PURG: variants seen among roughly 807,000 people sequenced by gnomAD.
The protein encoded by PURG is purine rich element binding protein G.
PURG carries 3 observed loss-of-function variants against 24.3 expected under a neutral mutation model. The ratio of observed to expected loss-of-function variants is 0.12; its 90% CI spans 0.06 to 0.32. The LOEUF is 0.32. Among genes scored for constraint, PURG ranks in the 10% least tolerant of loss-of-function variants. PURG has a pLI of 1.00. For missense variants in PURG, 371 were observed against 439.1 expected (o/e 0.84, Z 1.39); for synonymous variants, 180 against 173.1 (o/e 1.04, Z -0.31).
chr8:31,015,159 C>T (rs1482898641), intron 1 of PURG, among the ~76,000 whole-genome samples: 4 of 151,968 alleles, frequency 2.6e-5, no homozygotes, highest in East Asian at 3.9e-4. Flanking sequence ...GCCAGGCTTG[C>T]GGGGGAAAGG....
At chr8:31,020,090 G>C (rs909937857) in intron 1 of PURG, among the ~76,000 whole-genome samples, 5 of 152,040 alleles carry the variant, frequency 3.3e-5, no homozygotes, top group African/African-American at 1.2e-4. Flanking sequence ...AGAATCGCTT[G>C]AACCTGGGAG....
chr8:31,002,025 T>A (rs922929192), intron 1 of PURG, among the ~76,000 whole-genome samples: 77 of 152,344 alleles, frequency 5.1e-4, no homozygotes, highest in African/African-American at 1.8e-3. Context: ...TAGACTATTC[T>A]TTTCTTAAGC....
chr8:31,001,289 C>G (rs2129771904), intron 1 of PURG, among the ~76,000 whole-genome samples: 1 of 152,298 alleles, frequency 6.6e-6, no homozygotes, highest in Non-Finnish European at 1.5e-5. Flanking sequence ...CTGAACATAC[C>G]TATGAGAATC....
chr8:31,009,914 T>C (rs1298408914), intron 1 of PURG, among the ~76,000 whole-genome samples: 1 of 152,026 alleles, frequency 6.6e-6, no homozygotes, highest in African/African-American at 2.4e-5. Context: ...CTAGGGAACA[T>C]AGTGAGACCC....
At chr8:31,008,028 A>G (rs1426532235) in intron 1 of PURG, among the ~76,000 whole-genome samples, 2 of 152,198 alleles carry the variant, frequency 1.3e-5, no homozygotes, top group Admixed American at 1.3e-4. Context: ...TTCCTGTGCA[A>G]GAAATTTTTG....
At chr8:31,017,309 C>G (rs1810892693) in intron 1 of PURG, among the ~76,000 whole-genome samples, 2 of 151,788 alleles carry the variant, frequency 1.3e-5, no homozygotes. Context: ...GGATTGGGAT[C>G]TCTTTTAAAA....
At chr8:30,998,237 T>A (rs1414969093) in intron 1 of PURG, among the ~76,000 whole-genome samples, 2 of 151,866 alleles carry the variant, frequency 1.3e-5, no homozygotes, top group African/African-American at 4.8e-5. Context: ...GAGTTTTATT[T>A]CTGTATTGTT....
intron 1 of PURG, among the ~76,000 whole-genome samples, chr8:31,006,332 C>T (rs749101168): frequency 2.0e-5 from 3 of 152,232 alleles, no homozygotes; most frequent in South Asian, 2.1e-4. Flanking sequence ...TGGTAGCTCA[C>T]GGCTGTAATC....
chr8:31,015,853 C>T (rs1226583973), intron 1 of PURG, among the ~76,000 whole-genome samples: 1 of 152,034 alleles, frequency 6.6e-6, no homozygotes, highest in Non-Finnish European at 1.5e-5. Context: ...GACTTTAACA[C>T]CAGCTGGGTC....
intron 1 of PURG, among the ~76,000 whole-genome samples, chr8:31,004,606 G>A (rs1216835788): frequency 1.3e-5 from 2 of 152,254 alleles, no homozygotes; most frequent in East Asian, 1.9e-4. Flanking sequence ...GGCAGAGGTT[G>A]CAGTTACAGT....
intron 1 of PURG, among the ~76,000 whole-genome samples, chr8:31,008,235 T>C (rs1454039443): frequency 6.6e-6 from 1 of 152,230 alleles, no homozygotes; most frequent in Non-Finnish European, 1.5e-5. Flanking sequence ...TGATGTTAAC[T>C]AATATTTGTT....
intron 1 of PURG, among the ~76,000 whole-genome samples, chr8:31,009,475 G>A (rs934546091): frequency 4.6e-5 from 7 of 152,084 alleles, no homozygotes; most frequent in African/African-American, 1.7e-4. Flanking sequence ...GAATAATTCA[G>A]TCTGCATGTA....
At position 31,004,639 on chromosome 8, in the gene PURG, C is replaced by T. The variant is rs113710661; in HGVS notation, c.865-7942G>A. Among the ~76,000 whole-genome samples, 271 of 152,202 alleles carry T rather than the reference C, an allele frequency of 1.8e-3. 1 individual carries two copies. The highest frequency in any genetic ancestry group is 5.9e-3 in the African/African-American group (247 of 41,518). On this transcript the variant is annotated intron_variant, in intron 1 of 1. Coordinates refer to the PURG transcript ENST00000339382. The stretch of plus-strand genomic sequence containing the variant: ...AGTGAGCCAAGATTGTGCCACTGCA[C>T]TCCAGACTGGGCAACAGAGCAAGAC...
chr8:31,018,723 T>C (rs1433989609), intron 1 of PURG, among the ~76,000 whole-genome samples: 46 of 152,154 alleles, frequency 3.0e-4, no homozygotes, highest in Admixed American at 2.9e-3. Flanking sequence ...TCAAAGGTAG[T>C]AGCTGTTAAG....
intron 1 of PURG, among the ~76,000 whole-genome samples, chr8:31,001,587 T>A (rs1810537574): frequency 6.6e-6 from 1 of 152,166 alleles, no homozygotes; most frequent in Non-Finnish European, 1.5e-5. Flanking sequence ...TGCTATATTA[T>A]CCAGACCCAG....
At chr8:31,018,348 G>A (rs1156261385) in intron 1 of PURG, among the ~76,000 whole-genome samples, 1 of 152,156 alleles carries the variant, frequency 6.6e-6, no homozygotes, top group Non-Finnish European at 1.5e-5. Context: ...AAGAATCTGA[G>A]CCATAACAAT....
At chr8:31,030,731 G>A (rs185988198), downstream of PURG, 42 of 151,798 alleles carry the variant, frequency 2.8e-4, no homozygotes, top group Admixed American at 2.6e-3. Context: ...ATGGTTTTAA[G>A]GGTAGCAATT....
At position 31,031,857 on chromosome 8, in the gene PURG, C is replaced by T. The variant is rs541236532; in HGVS notation, c.926G>A (p.Arg309Lys). The T allele has an allele frequency of 1.9e-6, 3 of 1,608,990 alleles. No individual in the cohort carries two copies. Among genetic ancestry groups the T allele is most frequent in the Non-Finnish European group, 2.5e-6 (3 of 1,177,250 alleles). ...ATACTTGATAAAATTCTCCCCAAAC[C>T]TTGTCCAAGCTTTGAATGGAACAGT... ...TITVPFKAWT[R>K]FGENFIKYEE... Residue 309 changes from arginine to lysine, a missense_variant, in exon 2 of 2, where the codon AGG becomes AAG. Around this residue, in one of 5 missense-constraint regions of PURG, gnomAD observed 103 missense variants for 127.7 expected, o/e 0.81. Transcript: ENST00000523392.
In PURG at chr8:31,032,677, G is replaced by C. The variant is rs765368262; in HGVS notation, c.106C>G (p.His36Asp). The change falls in exon 2 of 2, where the codon CAC becomes GAC. Residue 36 changes from histidine to aspartate, a missense_variant. This residue lies in a region of PURG where 213 missense variants were observed against 230.6 expected (regional missense o/e 0.92). Transcript: ENST00000523392. This position sits in a 1 kb window ranked among gnomAD's most constrained non-coding sequence, Gnocchi z 5.9. ...SKSRLYPQAQHSHYPHYAASA... is the reference protein window; with the variant it reads ...SKSRLYPQAQDSHYPHYAASA... ...GCCGCGTAGTGGGGGTAGTGGGAGTGCTGGGCCTGGGGATAGAGTCTACTC... is the reference window on the plus strand; with the variant it reads ...GCCGCGTAGTGGGGGTAGTGGGAGTCCTGGGCCTGGGGATAGAGTCTACTC... 6.4e-7 allele frequency: 1 copy of C among 1,550,544 alleles called. No individual in the cohort carries two copies. Among genetic ancestry groups the C allele is most frequent in the Admixed American group, 1.9e-5 (1 of 52,160 alleles).
Sources: gnomAD v4.1 joint callset for allele counts (sites outside exome capture counted in the v4.1 genomes callset) on GRCh38, gnomAD v4.1.1 for gene constraint, gnomAD v4.1.1 regional missense constraint, Gnocchi (gnomAD v3.1) non-coding constraint, MANE v1.5 for transcripts, NCBI Gene and HGNC (gene_info 2026-07-23, HGNC 2026-07-21) for gene names.